The following RBPJ variants were observed in gnomAD, a reference collection of about 807,000 sequenced individuals.
RBPJ encodes recombination signal binding protein for immunoglobulin kappa J region.
In RBPJ, 9 loss-of-function variants were observed where a neutral mutation model predicts 67.8. The observed-to-expected ratio is 0.13, with a 90% confidence interval of 0.08 to 0.23. The LOEUF is 0.23. Ranked by LOEUF, RBPJ falls within the 10% of genes least tolerant of loss-of-function variation. The pLI, the probability that RBPJ is intolerant of heterozygous loss-of-function variation, is 1.00. For synonymous variants in RBPJ, 198 were observed against 203.3 expected (o/e 0.97, Z 0.22); for missense variants, 305 against 595.6 (o/e 0.51, Z 5.08).
At chr4:26,429,626 A>G (rs1341903021) in intron 8 of RBPJ, among the ~76,000 whole-genome samples, 2 of 152,226 alleles carry the variant, frequency 1.3e-5, no homozygotes, top group African/African-American at 4.8e-5. Flanking sequence ...GCATTGGTAT[A>G]CTCATAATGG....
intron 1 of RBPJ, among the ~76,000 whole-genome samples, chr4:26,342,013 A>T (rs984748345): frequency 6.6e-6 from 1 of 152,218 alleles, no homozygotes; most frequent in Non-Finnish European, 1.5e-5. Flanking sequence ...AGTGGCTTGC[A>T]AAATTCAGCA....
At chr4:26,419,218 G>T (rs1413640929) in intron 4 of RBPJ, among the ~76,000 whole-genome samples, 1 of 152,052 alleles carries the variant, frequency 6.6e-6, no homozygotes, top group African/African-American at 2.4e-5. Context: ...GACTTAAGCA[G>T]TCTGTCCACC....
the RBPJ span, among the ~76,000 whole-genome samples, chr4:26,114,770 CAT>C: frequency 6.6e-6 from 1 of 152,036 alleles, no homozygotes; most frequent in African/African-American, 2.4e-5. Flanking sequence ...TTTGTACACA[CAT>C]ACTAAAATAT....
At chr4:26,206,836 C>A (rs1425406054) in intron 1 of RBPJ, among the ~76,000 whole-genome samples, 3 of 150,946 alleles carry the variant, frequency 2.0e-5, no homozygotes, top group African/African-American at 7.3e-5. Context: ...CAAGAAAACA[C>A]TTTTTTGGTC....
chr4:26,222,921 C>T (rs1234370435), intron 1 of RBPJ, among the ~76,000 whole-genome samples: 5 of 151,498 alleles, frequency 3.3e-5, no homozygotes, highest in South Asian at 2.1e-4. Context: ...TTTGGGAGGC[C>T]GAGGCGGGCG....
chr4:26,107,545 C>T, the RBPJ span, among the ~76,000 whole-genome samples: 5 of 152,192 alleles, frequency 3.3e-5, no homozygotes, highest in Non-Finnish European at 7.3e-5. Flanking sequence ...TATAGAAAAC[C>T]GCAGCACTGA....
At chr4:26,373,860 C>A (rs977629035) in intron 1 of RBPJ, among the ~76,000 whole-genome samples, 4 of 151,824 alleles carry the variant, frequency 2.6e-5, no homozygotes, top group African/African-American at 9.7e-5. Flanking sequence ...GGTGTGGCAC[C>A]CATAACAGAT....
At chr4:26,147,630 G>GT in the RBPJ span, among the ~76,000 whole-genome samples, 22 of 151,956 alleles carry the variant, frequency 1.4e-4, no homozygotes, top group East Asian at 3.1e-3. Flanking sequence ...TTTTTTTTCT[G>GT]TTTTTTCTGA....
At chr4:26,417,161 A>ACTAT (rs2109791431) in intron 4 of RBPJ, among the ~76,000 whole-genome samples, 1 of 152,340 alleles carries the variant, frequency 6.6e-6, no homozygotes, top group Admixed American at 6.5e-5. Context: ...TCAGATAGGT[A>ACTAT]GTGAGAAGCC....
chr4:26,336,474 C>A (rs745470756), intron 1 of RBPJ, among the ~76,000 whole-genome samples: 6 of 151,756 alleles, frequency 4.0e-5, no homozygotes, highest in Non-Finnish European at 7.4e-5. Context: ...CATAGGAAGA[C>A]CCCATCTCTT....
At chr4:26,301,712 AT>A (rs1251630523) in intron 1 of RBPJ, among the ~76,000 whole-genome samples, 1 of 152,128 alleles carries the variant, frequency 6.6e-6, no homozygotes, top group African/African-American at 2.4e-5. Context: ...AATTTGTCAC[AT>A]TTTTAGAGGC....
At chr4:26,407,883 C>CTTTTTTTTTTTTTTTTTTTTTT (rs61575988) in intron 3 of RBPJ, among the ~76,000 whole-genome samples, 1 of 63,622 alleles carries the variant, frequency 1.6e-5, no homozygotes, top group Non-Finnish European at 2.8e-5. Context: ...AGCTTTCTTT[C>CTTTTTTTTTTTTTTTTTTTTTT]TTTTTTTTTT....
the RBPJ span, among the ~76,000 whole-genome samples, chr4:26,144,388 G>C: frequency 6.8e-6 from 1 of 147,380 alleles, no homozygotes; most frequent in Non-Finnish European, 1.5e-5. Context: ...TCCTGCCTCA[G>C]CCCCCCGAGT....
intron 1 of RBPJ, among the ~76,000 whole-genome samples, chr4:26,225,009 C>G (rs1448238269): frequency 6.6e-6 from 1 of 152,158 alleles, no homozygotes; most frequent in African/African-American, 2.4e-5. Flanking sequence ...CTGAAAAGAA[C>G]CAGGGAGGCA....
At chr4:26,283,860 G>A (rs1317693080) in intron 1 of RBPJ, among the ~76,000 whole-genome samples, 1 of 151,998 alleles carries the variant, frequency 6.6e-6, no homozygotes, top group Admixed American at 6.6e-5. Flanking sequence ...TGGCCAGGAT[G>A]GTCTCGATCT....
chr4:26,296,992 G>A lies in RBPJ; in HGVS notation c.-166-65454G>A, dbSNP rs563340996. Among the ~76,000 whole-genome samples, 7 of 152,194 alleles carry A rather than the reference G, an allele frequency of 4.6e-5. No individual in the cohort carries two copies. The South Asian group carries it at 8.3e-4, about 18-fold the overall frequency. ...GTGTTTATAGAATTCCAGAAAGGTC[G>A]TGTCATGTAAATCACTTGTGGACTG... On this transcript the variant is annotated intron_variant, in intron 1 of 4. Coordinates refer to the RBPJ transcript ENST00000512351.
intron 1 of RBPJ, among the ~76,000 whole-genome samples, chr4:26,227,501 G>A (rs1476132622): frequency 6.6e-6 from 1 of 152,180 alleles, no homozygotes; most frequent in African/African-American, 2.4e-5. Flanking sequence ...CACTAGTCTA[G>A]GGAAAAGGGC....
At chr4:26,255,616 C>A (rs925515557) in intron 1 of RBPJ, among the ~76,000 whole-genome samples, 5 of 149,400 alleles carry the variant, frequency 3.3e-5, no homozygotes, top group Admixed American at 6.6e-5. Context: ...TCCTGGCTAA[C>A]ACGGTGAAAC....
At chr4:26,351,827 T>C (rs1282436571) in intron 1 of RBPJ, among the ~76,000 whole-genome samples, 1 of 152,248 alleles carries the variant, frequency 6.6e-6, no homozygotes, top group East Asian at 1.9e-4. Context: ...CTTGGAAATA[T>C]GTGCATGCCA....
Sources: gnomAD v4.1 joint callset for allele counts (sites outside exome capture counted in the v4.1 genomes callset) on GRCh38, gnomAD v4.1.1 for gene constraint, MANE v1.5 for transcripts, NCBI Gene and HGNC (gene_info 2026-07-23, HGNC 2026-07-21) for gene names.